GPR155: variants seen among roughly 807,000 people sequenced by gnomAD.
GPR155 encodes G protein-coupled receptor 155.
In GPR155, 65 loss-of-function variants were observed where a neutral mutation model predicts 93.1. The observed-to-expected ratio is 0.70, with a 90% CI of 0.57 to 0.86. The LOEUF (loss-of-function observed/expected upper bound fraction) is 0.86. GPR155 is among the 40% of genes least tolerant of loss of function. The pLI is 0.00. For synonymous variants in GPR155, 319 were observed against 360.1 expected, an observed-to-expected ratio of 0.89 and a Z score of 1.29; for missense variants, 838 against 1,034.8, an observed-to-expected ratio of 0.81 and a Z score of 2.61.
intron 10 of GPR155, 53 bp downstream of exon 10, chr2:174,459,825 A>T (rs1460682787): frequency 1.5e-6 from 2 of 1,359,072 alleles, no homozygotes; most frequent in Non-Finnish European, 2.1e-6. Context: ...AGCCGGGATG[A>T]TAGAGCAAGA....
At position 174,436,282 on chromosome 2, in the gene GPR155, T is replaced by C; in HGVS notation, c.2447A>G (p.Gln816Arg). The C allele has an allele frequency of 3.1e-6, 5 of 1,614,200 alleles. No homozygotes were observed. Among genetic ancestry groups the C allele is most frequent in the Non-Finnish European group, 4.2e-6 (5 of 1,180,014 alleles). The stretch of plus-strand genomic sequence containing the variant: ...GAATTCATACTCGTTGGTAATATGT[T>C]GGATGACTCCCCCTTGTACCAGCCT... ...GDRLVQGGVI[Q>R]HITNEYEFRD... Residue 816 changes from glutamine to arginine, a missense_variant, in exon 16 of 16, where the codon CAA (glutamine) becomes CGA (arginine). By Grantham distance (43) the Gln-to-Arg change is conservative. Coordinates refer to ENST00000392552, the MANE Select transcript of GPR155 (RefSeq NM_152529.7).
chr2:174,448,825 C>T (rs1465437561), intron 11 of GPR155, among the ~76,000 whole-genome samples: 2 of 151,944 alleles, frequency 1.3e-5, no homozygotes, highest in African/African-American at 4.8e-5. Flanking sequence ...GCGTGAGCCA[C>T]CGCGCCCGGC....
intron 11 of GPR155, among the ~76,000 whole-genome samples, chr2:174,452,896 C>T (rs553302585): frequency 2.0e-3 from 302 of 152,234 alleles, no homozygotes; most frequent in Middle Eastern, 3.4e-3. Flanking sequence ...GTGATCCACC[C>T]GCCTCGGCCT....
At chr2:174,445,626 G>A (rs996170147) in intron 12 of GPR155, among the ~76,000 whole-genome samples, 2 of 152,150 alleles carry the variant, frequency 1.3e-5, no homozygotes, top group Non-Finnish European at 1.5e-5. Flanking sequence ...TGTGCAAAGC[G>A]TTCCTTCATA....
At chr2:174,473,424 G>A (rs1427365515) in intron 2 of GPR155, 60 bp from the exon 3 acceptor site, 9 of 1,092,236 alleles carry the variant, frequency 8.2e-6, no homozygotes, top group South Asian at 3.0e-5. Context: ...TATATGTTAT[G>A]TATATAACAT....
chr2:174,473,146 T>C lies in GPR155; in HGVS notation c.679A>G (p.Ile227Val). 6.2e-7 allele frequency: 1 copy of C among 1,610,926 alleles called. No homozygotes were observed. Among genetic ancestry groups the C allele is most frequent in the Non-Finnish European group, 8.5e-7 (1 of 1,178,556 alleles). ...NPIVFMVFIGIAFNFILDRKV... is the reference protein window; with the variant it reads ...NPIVFMVFIGVAFNFILDRKV... ...CGATCAAGAATAAAATTGAAGGCGA[T>C]GCCAATGAAGACCATAAATACTATT... Residue 227 changes from isoleucine (I) to valine (V), a missense_variant, in exon 3 of 16, where the codon ATC becomes GTC. By Grantham distance (29) the Ile-to-Val change is conservative. This residue lies in a region of GPR155 where 663 missense variants were observed against 790.1 expected (regional missense o/e 0.84). Transcript: ENST00000392552.
rs1236315046 is a variant in GPR155, at chr2:174,431,809, C to T, written c.*4307G>A. ...ACAAACATATAAAACACTAGTTTCACATTTTTCTTGCTTTAGAAATTTACT... is the reference window on the plus strand; with the variant it reads ...ACAAACATATAAAACACTAGTTTCATATTTTTCTTGCTTTAGAAATTTACT... On this transcript the variant is annotated 3_prime_UTR_variant, in exon 16 of 16. Coordinates refer to ENST00000392552, the MANE Select transcript of GPR155 (RefSeq NM_152529.7). The T allele has an allele frequency of 6.6e-6, 1 of 152,170 alleles. No individual in the cohort carries two copies. Among genetic ancestry groups the T allele is most frequent in the Non-Finnish European group, 1.5e-5 (1 of 68,016 alleles). The allele number at this position is 152,170 out of a possible 1,614,324, so 9.4% of individuals were successfully genotyped here. A position where few individuals can be genotyped will look rare whatever the true frequency, so the allele number is the denominator to read the frequency against.
At chr2:174,472,838 A>C (rs1358796825) in intron 3 of GPR155, 127 bp downstream of exon 3, 5 of 695,722 alleles carry the variant, frequency 7.2e-6, no homozygotes, top group Non-Finnish European at 1.2e-5. Context: ...CCTTTATCTC[A>C]CAACTATTCT....
chr2:174,485,453 C>T (rs1020518781), intron 1 of GPR155, among the ~76,000 whole-genome samples: 1 of 151,962 alleles, frequency 6.6e-6, no homozygotes, highest in Non-Finnish European at 1.5e-5. Flanking sequence ...AAAAATTAGC[C>T]GGGCTTGGTG....
In GPR155 at chr2:174,481,764, T is replaced by C. The variant is rs1424627095; in HGVS notation, c.193A>G (p.Ile65Val). Reference protein sequence around the residue: ...CGYIAGRANVITSTQAKGLGN... With the variant: ...CGYIAGRANVVTSTQAKGLGN... ...AGTCCTTTGGCCTGGGTTGATGTTA[T>C]GACATTGGCCCTTCCTGCTATGTAG... The change falls in exon 2 of 16, where the codon ATA becomes GTA. Residue 65 changes from isoleucine (I) to valine (V), a missense_variant. Physicochemically the swap from Ile to Val is conservative, Grantham distance 29 (BLOSUM62 3). This residue lies in a region of GPR155 where 663 missense variants were observed against 790.1 expected (regional missense o/e 0.84). Transcript: ENST00000392552. 2 of 1,614,238 alleles carry C rather than the reference T, an allele frequency of 1.2e-6. No individual in the cohort carries two copies. Among genetic ancestry groups the C allele is most frequent in the Admixed American group, 1.7e-5 (1 of 60,026 alleles).
At chr2:174,452,884 T>C (rs1376817283) in intron 11 of GPR155, among the ~76,000 whole-genome samples, 1 of 152,162 alleles carries the variant, frequency 6.6e-6, no homozygotes, top group Non-Finnish European at 1.5e-5. Flanking sequence ...ACTCCTGACC[T>C]TGTGATCCAC....
At chr2:174,469,207 A>C (rs1687924826) in intron 4 of GPR155, 140 bp from the exon 5 acceptor site, 1 of 636,812 alleles carries the variant, frequency 1.6e-6, no homozygotes, top group East Asian at 2.8e-5. Flanking sequence ...CATGTTATCC[A>C]ATACCATACT....
chr2:174,472,878 G>C (rs1349064068), intron 3 of GPR155, 87 bp downstream of exon 3: 1 of 1,015,154 alleles, frequency 9.9e-7, no homozygotes, highest in Admixed American at 2.5e-5. Flanking sequence ...ATTCAAAGGG[G>C]AAAATGGTTG....
At chr2:174,439,324 T>C (rs1393858186) in intron 15 of GPR155, among the ~76,000 whole-genome samples, 3 of 152,158 alleles carry the variant, frequency 2.0e-5, no homozygotes, top group African/African-American at 4.8e-5. Context: ...TTTCCTGCTG[T>C]ATACTTCGTT....
intron 14 of GPR155, among the ~76,000 whole-genome samples, chr2:174,440,683 G>C (rs1251597131): frequency 1.3e-5 from 2 of 152,184 alleles, no homozygotes; most frequent in African/African-American, 4.8e-5. Context: ...CATAGCGCTG[G>C]TGGGATACAT....
rs1269104606 is a variant in GPR155, at chr2:174,432,012, C to G, written c.*4104G>C. On this transcript the variant is annotated 3_prime_UTR_variant, in exon 16 of 16. Transcript: ENST00000392552. ...TTTTATCATTTTTCTAGCTGTCACT[C>G]TACATATTGGAAATGATGAAATGTA... 1 of 152,160 alleles carries G rather than the reference C, an allele frequency of 6.6e-6. No homozygotes were observed. The highest frequency in any genetic ancestry group is 1.5e-5 in the Non-Finnish European group (1 of 68,036). The allele number at this position is 152,160 out of a possible 1,614,324, so 9.4% of individuals were successfully genotyped here. A position where few individuals can be genotyped will look rare whatever the true frequency, so the allele number is the denominator to read the frequency against.
intron 11 of GPR155, among the ~76,000 whole-genome samples, chr2:174,447,237 T>A (rs1687159569): frequency 6.6e-6 from 1 of 151,290 alleles, no homozygotes; most frequent in African/African-American, 2.4e-5. Flanking sequence ...CTTGGAAGGC[T>A]GAGGCAGGAG....
chr2:174,482,350 C>T (rs1213049473), intron 1 of GPR155, among the ~76,000 whole-genome samples: 4 of 152,238 alleles, frequency 2.6e-5, no homozygotes, highest in Admixed American at 6.5e-5. Flanking sequence ...AATTGAGCTC[C>T]GCCTGGTGGA....
In GPR155 at chr2:174,446,701, G is replaced by A; in HGVS notation, c.1923C>T (p.Ala641=). The change falls in exon 12 of 16, where the codon GCC becomes GCT. Residue 641 remains alanine (A), a synonymous_variant. Coordinates refer to ENST00000392552, the MANE Select transcript of GPR155 (RefSeq NM_152529.7). ...TCTGTAGATACTGTTCTTCTTCCTG[G>A]GCTAATATGCAGCTCTGGGAGTTAC... ...SRCNSQSCIL[A]QEEEQYLQSG... is the part of the protein sequence containing the mutation. 1.9e-6 allele frequency: 3 copies of A among 1,613,450 alleles called. No individual in the cohort carries two copies. The highest frequency in any genetic ancestry group is 2.5e-6 in the Non-Finnish European group (3 of 1,179,428).
Sources: allele counts gnomAD v4.1 joint callset (sites outside exome capture counted in the v4.1 genomes callset), GRCh38; gene constraint gnomAD v4.1.1; regional missense constraint gnomAD v4.1.1; transcripts MANE v1.5; gene names NCBI Gene and HGNC (gene_info 2026-07-23, HGNC 2026-07-21).